The following PRDM16 variants were observed in gnomAD, a reference collection of about 807,000 sequenced individuals.
PRDM16 encodes histone-lysine N-methyltransferase PRDM16.
Under a neutral mutation model 110.6 loss-of-function variants are expected in PRDM16, and 23 were observed. The observed-to-expected ratio is 0.21, with a 90% CI of 0.15 to 0.29. The LOEUF (loss-of-function observed/expected upper bound fraction) is 0.29. Among genes scored for constraint, PRDM16 ranks in the 10% least tolerant of loss-of-function variants. The probability of loss-of-function intolerance (pLI) is 1.00; values close to 1 mark genes in which losing one functional copy is unlikely to be tolerated. For synonymous variants in PRDM16, 799 were observed against 781.8 expected (o/e 1.02, Z -0.37); for missense variants, 1,615 against 1,794.3 (o/e 0.90, Z 1.81).
At position 3,290,580 on chromosome 1, in the gene PRDM16, A is replaced by G. The variant is rs1056137588; in HGVS notation, c.438+46443A>G. ...GGACAGCGAGAGGTGGCATCACTGA[A>G]GAAGCCCCGTGGCTCCGGCTCCGTC... On this transcript the variant is annotated intron_variant, in intron 3 of 16. Coordinates refer to ENST00000270722, the MANE Select transcript of PRDM16 (RefSeq NM_022114.4). The surrounding 1 kb of genome is among the most constrained non-coding windows in gnomAD (Gnocchi z 4.8). Among the ~76,000 whole-genome samples, 1 of 152,206 alleles carries G rather than the reference A, an allele frequency of 6.6e-6. No individual in the cohort carries two copies. The highest frequency in any genetic ancestry group is 2.4e-5 in the African/African-American group (1 of 41,454).
At chr1:3,215,423 C>CCACGGGG (rs1557534831) in intron 2 of PRDM16, among the ~76,000 whole-genome samples, 36 of 151,146 alleles carry the variant, frequency 2.4e-4, no homozygotes, top group African/African-American at 8.9e-4. Flanking sequence ...CAGGCAAGGC[C>CCACGGGG]TATTGGGGTC....
rs77136080 is a variant in PRDM16 at position 3,122,467 on chromosome 1, A to G, written c.37+53171A>G. 6.8e-3 allele frequency among the ~76,000 whole-genome samples: 1,033 copies of G among 152,076 alleles called. 27 individuals are homozygous for G. In the East Asian group the frequency reaches 0.083, roughly 12 times the overall value. On this transcript the variant is annotated intron_variant, in intron 1 of 16. Coordinates refer to ENST00000270722, the MANE Select transcript of PRDM16 (RefSeq NM_022114.4). ...CAATGTCTCTTCAAAGCTCTGTCCC[A>G]GAAGCAAATGGACCCCTTGAAGGTG...
chr1:3,245,138 G>C lies in PRDM16; in HGVS notation c.438+1001G>C, dbSNP rs1007133757. 6.6e-6 allele frequency among the ~76,000 whole-genome samples: 1 copy of C among 152,180 alleles called. No homozygotes were observed. Among genetic ancestry groups the C allele is most frequent in the Non-Finnish European group, 1.5e-5 (1 of 68,040 alleles). ...CCAGTGCTGAGTCAGTGCCTACCGA[G>C]TGCTGTTACAATTCTGTCAGAATTA... is the stretch of plus-strand genomic sequence containing the variant. On this transcript the variant is annotated intron_variant, in intron 3 of 16. Transcript: ENST00000270722. The surrounding 1 kb of genome is among the most constrained non-coding windows in gnomAD (Gnocchi z 4.7).
At chr1:3,127,408 C>G (rs955396781) in intron 1 of PRDM16, among the ~76,000 whole-genome samples, 11 of 152,224 alleles carry the variant, frequency 7.2e-5, no homozygotes, top group Admixed American at 7.2e-4. Context: ...GATCCCCCAC[C>G]CCTTCACATT....
intron 1 of PRDM16, among the ~76,000 whole-genome samples, chr1:3,181,898 A>ATG (rs201496396): frequency 2.4e-5 from 2 of 82,592 alleles, no homozygotes; most frequent in Non-Finnish European, 5.7e-5. Flanking sequence ...AGTCTTACAC[A>ATG]CGGTCTTACA....
chr1:3,391,483 A>T (rs1371220957), intron 4 of PRDM16, among the ~76,000 whole-genome samples: 1 of 152,186 alleles, frequency 6.6e-6, no homozygotes, highest in African/African-American at 2.4e-5. Context: ...GCTATTTAAG[A>T]ATGATCAAGG....
Position 3,425,362 on chromosome 1 carries a change from A to G in PRDM16, c.2940-219A>G, listed in dbSNP as rs1160323210. Reference sequence around the variant, plus strand: ...CAAAGTGCTGTGATTATAGGCGTGAACCCCTGCTTCTTGAAGCCGGGGCTG... The same window carrying G: ...CAAAGTGCTGTGATTATAGGCGTGAGCCCCTGCTTCTTGAAGCCGGGGCTG... On this transcript the variant is annotated intron_variant, in intron 12 of 16. Transcript: ENST00000270722. This position sits in a 1 kb window ranked among gnomAD's most constrained non-coding sequence, Gnocchi z 6.9. 9.7e-6 allele frequency: 5 copies of G among 516,686 alleles called. No homozygotes were observed. The highest frequency in any genetic ancestry group is 3.3e-5 in the East Asian group (1 of 30,690). 32.0% of individuals were successfully genotyped at this position (516,686 alleles called of 1,614,324 possible).
intron 3 of PRDM16, among the ~76,000 whole-genome samples, chr1:3,325,308 C>A (rs1177164703): frequency 6.6e-6 from 1 of 152,214 alleles, no homozygotes; most frequent in Admixed American, 6.5e-5. Context: ...TTAGCCGGCC[C>A]CAGGGTACGC....
Position 3,383,570 on chromosome 1 carries a change from C to T in PRDM16, c.439-1582C>T, listed in dbSNP as rs565188506. Among the ~76,000 whole-genome samples the T allele has an allele frequency of 1.4e-3, 208 of 152,264 alleles. 3 individuals carry two copies. Among genetic ancestry groups the T allele is most frequent in the Admixed American group, 0.013 (202 of 15,300 alleles). On this transcript the variant is annotated intron_variant, in intron 3 of 16. Transcript: ENST00000270722. ...ATGCTTCCCCATTGATTGGTGCCGA[C>T]GTTTAACTTTTCAAAAGAATTCCAG...
chr1:3,420,075 GC>G (rs1638386788), intron 12 of PRDM16, among the ~76,000 whole-genome samples: 1 of 152,132 alleles, frequency 6.6e-6, no homozygotes, highest in African/African-American at 2.4e-5. Context: ...TGTGCTAAGA[GC>G]CCCTAGAGGG....
chr1:3,355,471 G>C (rs568507963), intron 3 of PRDM16, among the ~76,000 whole-genome samples: 3 of 152,204 alleles, frequency 2.0e-5, no homozygotes, highest in Non-Finnish European at 2.9e-5. Context: ...CCTACTGGTT[G>C]GTGCCACCCT....
At position 3,438,470 on chromosome 1, in the gene PRDM16, G is replaced by A. The variant is rs760200213; in HGVS notation, c.*4659G>A. 1.5e-5 allele frequency: 3 copies of A among 206,876 alleles called. No homozygotes were observed. Among genetic ancestry groups the A allele is most frequent in the Non-Finnish European group, 3.0e-5 (3 of 101,576 alleles). 12.8% of individuals were successfully genotyped at this position (206,876 alleles called of 1,614,324 possible). A position where few individuals can be genotyped will look rare whatever the true frequency, so the allele number is the denominator to read the frequency against. Reference sequence around the variant, plus strand: ...GCTTGTGATGAACACAAATGTACTTGTGTAGAGACATTTCCTTAAGAGAAA... The same window carrying A: ...GCTTGTGATGAACACAAATGTACTTATGTAGAGACATTTCCTTAAGAGAAA... On this transcript the variant is annotated 3_prime_UTR_variant, in exon 17 of 17. Transcript: ENST00000270722.
chr1:3,395,460 A>G (rs1643371372), intron 4 of PRDM16, among the ~76,000 whole-genome samples: 1 of 152,092 alleles, frequency 6.6e-6, no homozygotes, highest in Non-Finnish European at 1.5e-5. Flanking sequence ...GCCTCTCCCC[A>G]GCCTCACAGC....
chr1:3,138,115 G>A (rs1365824719), intron 1 of PRDM16, among the ~76,000 whole-genome samples: 1 of 152,214 alleles, frequency 6.6e-6, no homozygotes, highest in East Asian at 1.9e-4. Flanking sequence ...CTTGGGACAC[G>A]AAAGCAGGGG....
rs558426343 is a variant in PRDM16 at position 3,420,247 on chromosome 1, G to A, written c.2939+1503G>A. On this transcript the variant is annotated intron_variant, in intron 12 of 16. Coordinates refer to ENST00000270722, the MANE Select transcript of PRDM16 (RefSeq NM_022114.4). ...AGGTCTGTGCCGAGGGGTTTGGAGC[G>A]TGTAGCTTTCCTTTTGATACCACTG... is the stretch of plus-strand genomic sequence containing the variant. 7.4e-4 allele frequency among the ~76,000 whole-genome samples: 113 copies of A among 152,324 alleles called. 1 individual carries two copies. In the Middle Eastern group the frequency reaches 0.01, roughly 14 times the overall value.
chr1:3,098,091 A>G (rs1642448530), intron 1 of PRDM16, among the ~76,000 whole-genome samples: 1 of 152,082 alleles, frequency 6.6e-6, no homozygotes. Flanking sequence ...CCAGTCTGTA[A>G]AGGGCACTGA....
intron 8 of PRDM16, 29 bp from the exon 9 acceptor site, chr1:3,411,355 G>A: frequency 6.3e-7 from 1 of 1,582,628 alleles, no homozygotes; most frequent in East Asian, 2.3e-5. Context: ...TTTCATGCGG[G>A]TTTGTCTTGG....
intron 3 of PRDM16, among the ~76,000 whole-genome samples, chr1:3,261,523 A>G (rs1212410849): frequency 2.0e-5 from 3 of 152,132 alleles, no homozygotes; most frequent in Non-Finnish European, 2.9e-5. Flanking sequence ...CTATTTACAC[A>G]GTGGCGAGAG....
At chr1:3,196,750 G>C (rs926640223) in intron 2 of PRDM16, among the ~76,000 whole-genome samples, 1 of 152,240 alleles carries the variant, frequency 6.6e-6, no homozygotes, top group Non-Finnish European at 1.5e-5. Flanking sequence ...ACTTGGAGGA[G>C]TCCAGCCCAG....
Sources: gnomAD v4.1 joint callset for allele counts (sites outside exome capture counted in the v4.1 genomes callset) on GRCh38, gnomAD v4.1.1 for gene constraint, Gnocchi (gnomAD v3.1) non-coding constraint, MANE v1.5 for transcripts, NCBI Gene and HGNC (gene_info 2026-07-23, HGNC 2026-07-21) for gene names.